The following IL3RA variants were observed in gnomAD, a reference collection of about 807,000 sequenced individuals.
IL3RA encodes the protein interleukin-3 receptor subunit alpha.
In IL3RA, 73 loss-of-function variants were observed where a neutral mutation model predicts 52.3. The observed-to-expected ratio is 1.40, with a 90% confidence interval of 1.16 to 1.70. IL3RA has a LOEUF of 1.70. Ranked by LOEUF, IL3RA falls within the 40% of genes most tolerant of loss-of-function variation. The pLI is 0.00. For missense variants in IL3RA, 664 were observed against 504.4 expected, an observed-to-expected ratio of 1.32 and a Z score of -3.03; for synonymous variants, 260 against 194.0, an observed-to-expected ratio of 1.34 and a Z score of -2.83.
At chrX:1,340,618 G>A (rs1403474963) in intron 1 of IL3RA, among the ~76,000 whole-genome samples, 2 of 152,172 alleles carry the variant, frequency 1.3e-5, no homozygotes, top group African/African-American at 2.4e-5. Flanking sequence ...ATGCACATGT[G>A]TGTACACGTG....
rs1352187497 is a variant in IL3RA at position 1,363,502 on chromosome X, G to GTTAGCCGGGA, written c.760-1635_760-1634insTAGCCGGGAT. On this transcript the variant is annotated intron_variant, in intron 8 of 11. Transcript: ENST00000331035. ...TTTTTAGTAGAGACGGGGTTTCACTGTGGTCTCGATCTCCTGACCTTGTGA... is the reference window on the plus strand; with the variant it reads ...TTTTTAGTAGAGACGGGGTTTCACTGTTAGCCGGGATGGTCTCGATCTCCTGACCTTGTGA... Among the ~76,000 whole-genome samples the GTTAGCCGGGA allele has an allele frequency of 2.8e-3, 429 of 151,040 alleles. 4 individuals are homozygous for GTTAGCCGGGA. Among genetic ancestry groups the GTTAGCCGGGA allele is most frequent in the African/African-American group, 9.7e-3 (401 of 41,234 alleles).
In IL3RA at chrX:1,352,094, A is replaced by T; in HGVS notation, c.299-6A>T. ...TTCGAGTTCTCTTTCATGTTTGTGAACCCAGGTGGGAAGCCTTGGGCAGGT... is the reference window on the plus strand; with the variant it reads ...TTCGAGTTCTCTTTCATGTTTGTGATCCCAGGTGGGAAGCCTTGGGCAGGT... On this transcript the variant is annotated splice_polypyrimidine_tract_variant and splice_region_variant and intron_variant, in intron 4 of 11. Coordinates refer to ENST00000331035, the MANE Select transcript of IL3RA (RefSeq NM_002183.4). 1 of 1,613,414 alleles carries T rather than the reference A, an allele frequency of 6.2e-7. No individual in the cohort carries two copies. Among genetic ancestry groups the T allele is most frequent in the Non-Finnish European group, 8.5e-7 (1 of 1,179,664 alleles).
At position 1,365,205 on chromosome X, in the gene IL3RA, A is replaced by G. The variant is rs1460868723; in HGVS notation, c.827A>G (p.Glu276Gly). Residue 276 changes from glutamate to glycine, a missense_variant, in exon 9 of 12, where the codon GAA (glutamate) becomes GGA (glycine). Coordinates refer to ENST00000331035, the MANE Select transcript of IL3RA (RefSeq NM_002183.4). ...TACACAGTACAAATAAGAGCCCGGG[A>G]AAGAGTGTATGAATTCTTGAGCGCC... ...GTYTVQIRAR[E>G]RVYEFLSAWS... The G allele has an allele frequency of 3.1e-6, 5 of 1,611,360 alleles. No homozygotes were observed. The African/African-American group carries it at 5.3e-5, about 17-fold the overall frequency.
intron 1 of IL3RA, among the ~76,000 whole-genome samples, chrX:1,341,052 G>C (rs2085469076): frequency 6.6e-6 from 1 of 152,128 alleles, no homozygotes; most frequent in South Asian, 2.1e-4. Flanking sequence ...GGGAGGCGGA[G>C]GTTGCAGTGA....
chrX:1,348,291 T>C lies in IL3RA; in HGVS notation c.184-140T>C, dbSNP rs1478329506. On this transcript the variant is annotated intron_variant, in intron 3 of 11. Coordinates refer to ENST00000331035, the MANE Select transcript of IL3RA (RefSeq NM_002183.4). Reference sequence around the variant, plus strand: ...TGGCTTGAACCCGGGAGGGAGAGGCTGCAGTGAGCCGAGATCACGCCACTG... The same window carrying C: ...TGGCTTGAACCCGGGAGGGAGAGGCCGCAGTGAGCCGAGATCACGCCACTG... The C allele has an allele frequency of 1.1e-5, 8 of 699,512 alleles. No homozygotes were observed. In the Admixed American group the frequency reaches 1.7e-4, roughly 14 times the overall value. 43.3% of individuals were successfully genotyped at this position (699,512 alleles called of 1,614,324 possible).
chrX:1,359,801 CCTCT>C (rs1191768964), intron 8 of IL3RA, among the ~76,000 whole-genome samples: 3 of 146,028 alleles, frequency 2.1e-5, no homozygotes, highest in Admixed American at 6.9e-5. Context: ...ATTCTCCCTC[CCTCT>C]CTTTCTCTCT....
At chrX:1,377,294 G>A (rs1446898650) in intron 9 of IL3RA, among the ~76,000 whole-genome samples, 2 of 152,012 alleles carry the variant, frequency 1.3e-5, no homozygotes, top group African/African-American at 2.4e-5. Flanking sequence ...AGGCTGGAGT[G>A]CAGTGGCGTG....
intron 8 of IL3RA, among the ~76,000 whole-genome samples, chrX:1,364,187 CAAA>C (rs1168463070): frequency 8.5e-5 from 11 of 129,076 alleles, no homozygotes; most frequent in African/African-American, 3.2e-4. Flanking sequence ...GACTCCATCT[CAAA>C]AAAAAAAAAA....
At chrX:1,346,876 C>T (rs1338050972) in intron 3 of IL3RA, among the ~76,000 whole-genome samples, 5 of 151,248 alleles carry the variant, frequency 3.3e-5, no homozygotes, top group Non-Finnish European at 5.9e-5. Context: ...AATCACGGCC[C>T]TTCATGCGTC....
At chrX:1,337,796 A>G (rs2085363546) in intron 1 of IL3RA, among the ~76,000 whole-genome samples, 1 of 149,976 alleles carries the variant, frequency 6.7e-6, no homozygotes, top group African/African-American at 2.5e-5. Context: ...GTCCAGCCAC[A>G]CAGTGGAATA....
chrX:1,382,464 G>T lies in IL3RA; in HGVS notation c.1136G>T (p.Ter379LeuextTer?), dbSNP rs778324836. The T allele has an allele frequency of 2.5e-6, 4 of 1,613,824 alleles. No homozygotes were observed. In the East Asian group the frequency reaches 8.9e-5, roughly 36 times the overall value. The change falls in exon 12 of 12, where the codon TGA becomes TTA. Residue 379 changes from the stop codon to leucine, a stop_lost. Transcript: ENST00000331035. ...GAAGTACAGGTCGTGCAGAAAACTT[G>T]AGACTGGGGTTCAGGGCTTGTGGGG... ...VTEVQVVQKT* is the reference protein window; with the variant it reads ...VTEVQVVQKTL
At position 1,341,627 on chromosome X, in the gene IL3RA, C is replaced by T; in HGVS notation, c.-38-101C>T. On this transcript the variant is annotated intron_variant, in intron 1 of 11. Coordinates refer to ENST00000331035, the MANE Select transcript of IL3RA (RefSeq NM_002183.4). ...GCTTTCCCTCCAGAAGCAGCTCCTTCTGCTGTGAGCACCAGGCTCTGGAAG... is the reference window on the plus strand; with the variant it reads ...GCTTTCCCTCCAGAAGCAGCTCCTTTTGCTGTGAGCACCAGGCTCTGGAAG... 4.7e-6 allele frequency: 4 copies of T among 853,846 alleles called. No homozygotes were observed. In the South Asian group the frequency reaches 6.3e-5, roughly 13 times the overall value. 52.9% of individuals were successfully genotyped at this position (853,846 alleles called of 1,614,324 possible).
chrX:1,338,994 A>T (rs1473394357), intron 1 of IL3RA, among the ~76,000 whole-genome samples: 1 of 151,896 alleles, frequency 6.6e-6, no homozygotes, highest in East Asian at 1.9e-4. Flanking sequence ...GAGACTTTGT[A>T]TGTTTAGTAG....
intron 8 of IL3RA, 103 bp from the exon 9 acceptor site, chrX:1,365,035 C>G: frequency 1.3e-6 from 1 of 741,584 alleles, no homozygotes. Flanking sequence ...TCTCGAACTC[C>G]TGACCTCAGG....
intron 2 of IL3RA, 150 bp from the exon 3 acceptor site, chrX:1,345,166 G>C (rs2085684287): frequency 3.7e-6 from 2 of 535,342 alleles, no homozygotes; most frequent in Non-Finnish European, 6.7e-6. Flanking sequence ...GAAACTCCAT[G>C]TCAAAAAATT....
rs762079754 is a variant in IL3RA, at chrX:1,348,493, C to T, written c.246C>T (p.Thr82=). The T allele has an allele frequency of 7.6e-5, 123 of 1,613,778 alleles. No homozygotes were observed. Among genetic ancestry groups the T allele is most frequent in the South Asian group, 6.9e-4 (63 of 91,078 alleles). ...CCTTATGTGAAGTGACCAACTACACCGTCCGAGTGGCCAACCCACCATTCT... is the reference window on the plus strand; with the variant it reads ...CCTTATGTGAAGTGACCAACTACACTGTCCGAGTGGCCAACCCACCATTCT... ...AISLCEVTNY[T]VRVANPPFST... The change falls in exon 4 of 12, where the codon ACC becomes ACT. Residue 82 remains threonine (T), a synonymous_variant. Transcript: ENST00000331035.
At chrX:1,354,158 C>G (rs1411560459) in intron 6 of IL3RA, among the ~76,000 whole-genome samples, 27 of 150,822 alleles carry the variant, frequency 1.8e-4, no homozygotes, top group Admixed American at 1.7e-3. Context: ...GGTCATGGGT[C>G]CCATCATGGG....
chrX:1,358,733 GC>G (rs1175967139), intron 7 of IL3RA, 127 bp from the exon 8 acceptor site: 1 of 839,466 alleles, frequency 1.2e-6, no homozygotes, highest in African/African-American at 1.7e-5. Flanking sequence ...CCCCACTGCT[GC>G]CCGAAGGCCT....
intron 11 of IL3RA, among the ~76,000 whole-genome samples, 153 bp from the exon 12 acceptor site, chrX:1,382,238 C>T (rs1240860859): frequency 3.9e-5 from 6 of 152,186 alleles, no homozygotes; most frequent in South Asian, 2.1e-4. Flanking sequence ...TGTGACCCAC[C>T]GCGCCTGGCC....
Sources: allele counts gnomAD v4.1 joint callset (sites outside exome capture counted in the v4.1 genomes callset), GRCh38; gene constraint gnomAD v4.1.1; transcripts MANE v1.5; gene names NCBI Gene and HGNC (gene_info 2026-07-23, HGNC 2026-07-21).